Variants in CLDN18 observed in about 807,000 individuals in gnomAD.
CLDN18 encodes the protein claudin-18.
In CLDN18, 20 loss-of-function variants were observed where a neutral mutation model predicts 25.0. The observed-to-expected ratio is 0.80, with a 90% CI of 0.56 to 1.16. The LOEUF is 1.16. Among genes scored for constraint, CLDN18 ranks in the 50% most tolerant of loss-of-function variants. CLDN18 has a pLI of 0.00. For synonymous variants in CLDN18, 125 were observed against 135.6 expected (o/e 0.92, Z 0.54); for missense variants, 297 against 345.4 (o/e 0.86, Z 1.11).
intron 4 of CLDN18, among the ~76,000 whole-genome samples, chr3:138,030,695 G>C (rs1241601144): frequency 6.6e-6 from 1 of 152,186 alleles, no homozygotes; most frequent in Non-Finnish European, 1.5e-5. Flanking sequence ...ATCCAAAAAT[G>C]TCCATTTGGA....
At chr3:138,018,311 G>GAGACAA (rs1280756228) in intron 1 of CLDN18, among the ~76,000 whole-genome samples, 1 of 151,126 alleles carries the variant, frequency 6.6e-6, no homozygotes, top group African/African-American at 2.4e-5. Flanking sequence ...AAGGGCAAAA[G>GAGACAA]AGACAAACAG....
chr3:138,018,212 T>C (rs1349673220), intron 1 of CLDN18, among the ~76,000 whole-genome samples: 1 of 152,104 alleles, frequency 6.6e-6, no homozygotes, highest in East Asian at 1.9e-4. Context: ...AAGTCCAAGA[T>C]CAAGGTGTCA....
chr3:138,031,235 C>T lies in CLDN18; in HGVS notation c.*94C>T. The T allele has an allele frequency of 8.4e-7, 1 of 1,186,006 alleles. No individual in the cohort carries two copies. Among genetic ancestry groups the T allele is most frequent in the African/African-American group, 1.5e-5 (1 of 65,536 alleles). The allele number at this position is 1,186,006 out of a possible 1,614,324, so 73.5% of individuals were successfully genotyped here. ...CATCTAGATTTCTTCTTGCTTTTGA[C>T]TCACAGCTGGAAGTTAGAAAAGCCT... On this transcript the variant is annotated 3_prime_UTR_variant, in exon 5 of 5. Coordinates refer to ENST00000183605, the MANE Select transcript of CLDN18 (RefSeq NM_016369.4).
At position 138,031,171 on chromosome 3, in the gene CLDN18, G is replaced by A; in HGVS notation, c.*30G>A. On this transcript the variant is annotated 3_prime_UTR_variant, in exon 5 of 5. Transcript: ENST00000183605. ...CTAAGACCTCTCAGCACGGGCGGAA[G>A]AAACTCCCGGAGAGCTCACCCAAAA... 6.4e-7 allele frequency: 1 copy of A among 1,555,966 alleles called. No individual in the cohort carries two copies. The highest frequency in any genetic ancestry group is 8.7e-7 in the Non-Finnish European group (1 of 1,143,604).
intron 1 of CLDN18, among the ~76,000 whole-genome samples, chr3:138,021,596 G>A (rs1942270675): frequency 6.6e-6 from 1 of 152,000 alleles, no homozygotes; most frequent in African/African-American, 2.4e-5. Context: ...CCTGTTTATG[G>A]TTTTCTATAC....
intron 1 of CLDN18, among the ~76,000 whole-genome samples, chr3:138,019,572 T>G (rs966413187): frequency 1.3e-5 from 2 of 152,208 alleles, no homozygotes; most frequent in Non-Finnish European, 2.9e-5. Context: ...GAACCCTCTT[T>G]CAGTCCAACT....
intron 1 of CLDN18, among the ~76,000 whole-genome samples, chr3:138,019,386 A>G (rs1179042143): frequency 2.6e-5 from 4 of 152,070 alleles, no homozygotes; most frequent in Non-Finnish European, 5.9e-5. Flanking sequence ...GAGCTCCCCG[A>G]CTTTGGGCTC....
At chr3:138,026,193 T>C (rs2107888667) in intron 3 of CLDN18, among the ~76,000 whole-genome samples, 1 of 152,166 alleles carries the variant, frequency 6.6e-6, no homozygotes. Flanking sequence ...CCTTCTCCTG[T>C]TCCCCGACTC....
chr3:138,008,842 C>T (rs1175393526), upstream of CLDN18, among the ~76,000 whole-genome samples: 1 of 152,048 alleles, frequency 6.6e-6, no homozygotes, highest in Non-Finnish European at 1.5e-5. Flanking sequence ...ATGAGAATTG[C>T]TTGAACCCAG....
At chr3:138,027,425 G>A (rs923334100) in intron 3 of CLDN18, among the ~76,000 whole-genome samples, 21 of 152,192 alleles carry the variant, frequency 1.4e-4, no homozygotes, top group Non-Finnish European at 2.1e-4. Flanking sequence ...TCTAAGTTGA[G>A]GAAAAGGACT....
intron 3 of CLDN18, among the ~76,000 whole-genome samples, chr3:138,025,870 G>C (rs989453928): frequency 6.6e-6 from 1 of 152,118 alleles, no homozygotes. Flanking sequence ...CATTGCCCTT[G>C]CCCAGAGGAG....
At chr3:138,023,611 T>C in intron 1 of CLDN18, 47 bp from the exon 2 acceptor site, 1 of 1,590,944 alleles carries the variant, frequency 6.3e-7, no homozygotes, top group South Asian at 1.1e-5. Context: ...TCAAGTGTGC[T>C]GAGTTGGTCT....
At chr3:138,022,413 A>C (rs1226643966) in intron 1 of CLDN18, among the ~76,000 whole-genome samples, 1 of 152,216 alleles carries the variant, frequency 6.6e-6, no homozygotes, top group Non-Finnish European at 1.5e-5. Context: ...ACCGAAATCA[A>C]GAATAAATAT....
intron 1 of CLDN18, among the ~76,000 whole-genome samples, chr3:138,002,151 C>T (rs181373345): frequency 2.7e-4 from 41 of 152,288 alleles, no homozygotes; most frequent in Admixed American, 2.4e-3. Context: ...ACCCTCTCAG[C>T]GAAGCATTCT....
chr3:138,031,071 A>G lies in CLDN18; in HGVS notation c.716A>G (p.Lys239Arg). Residue 239 changes from lysine to arginine, a missense_variant, in exon 5 of 5, where the codon AAG becomes AGG. Transcript: ENST00000183605. ...TGFGSNTKNK[K>R]IYDGGARTED... ...TTTGGGTCCAACACCAAAAACAAGA[A>G]GATATACGATGGAGGTGCCCGCACA... 6.2e-7 allele frequency: 1 copy of G among 1,614,172 alleles called. No individual in the cohort carries two copies. The highest frequency in any genetic ancestry group is 8.5e-7 in the Non-Finnish European group (1 of 1,180,032).
chr3:138,013,321 C>G (rs993251215), intron 1 of CLDN18, among the ~76,000 whole-genome samples: 1 of 152,216 alleles, frequency 6.6e-6, no homozygotes, highest in African/African-American at 2.4e-5. Flanking sequence ...TACTGTGTTG[C>G]AGAGACTAGA....
chr3:138,005,360 T>C (rs1322564070), upstream of CLDN18, among the ~76,000 whole-genome samples: 2 of 152,136 alleles, frequency 1.3e-5, no homozygotes, highest in Non-Finnish European at 2.9e-5. Context: ...CTACATTAGG[T>C]ATTTCTCCTA....
chr3:138,031,758 T>C lies in CLDN18; in HGVS notation c.*617T>C, dbSNP rs1942399134. 1 of 152,246 alleles carries C rather than the reference T, an allele frequency of 6.6e-6. No homozygotes were observed. Among genetic ancestry groups the C allele is most frequent in the African/African-American group, 2.4e-5 (1 of 41,466 alleles). The allele number at this position is 152,246 out of a possible 1,614,324, so 9.4% of individuals were successfully genotyped here. On this transcript the variant is annotated 3_prime_UTR_variant, in exon 5 of 5. Transcript: ENST00000183605. ...AGGCAACCAAACCTTTCTACTGCTG[T>C]TGACATCTTCTTATTACAGCAACAC...
intron 4 of CLDN18, 103 bp downstream of exon 4, chr3:138,030,010 G>T: frequency 2.8e-6 from 2 of 722,078 alleles, no homozygotes; most frequent in South Asian, 3.3e-5. Flanking sequence ...GTATATGGAT[G>T]AACTTTATTT....
Sources: allele counts gnomAD v4.1 joint callset (sites outside exome capture counted in the v4.1 genomes callset), GRCh38; gene constraint gnomAD v4.1.1; transcripts MANE v1.5; gene names NCBI Gene and HGNC (gene_info 2026-07-23, HGNC 2026-07-21).